Variants in DAB1 observed in about 807,000 individuals in gnomAD.
DAB1 encodes DAB adaptor protein 1.
DAB1 carries 15 observed loss-of-function variants against 64.6 expected under a neutral mutation model. That is an observed-to-expected ratio of 0.23 (90% confidence interval 0.16 to 0.36). The LOEUF is 0.36. Among genes scored for constraint, DAB1 ranks in the 10% least tolerant of loss-of-function variants. The pLI, the probability that DAB1 is intolerant of heterozygous loss-of-function variation, is 1.00. For missense variants in DAB1, 596 were observed against 706.7 expected, an observed-to-expected ratio of 0.84 and a Z score of 1.78; for synonymous variants, 235 against 251.9, an observed-to-expected ratio of 0.93 and a Z score of 0.64.
At chr1:57,395,238 C>T (rs1054836457) in intron 1 of DAB1, among the ~76,000 whole-genome samples, 1 of 152,092 alleles carries the variant, frequency 6.6e-6, no homozygotes, top group South Asian at 2.1e-4. Context: ...GTTGGCCAGG[C>T]TAGTCTCGAA....
Position 57,771,018 on chromosome 1 carries a change from C to T in DAB1, n.551+112981G>A, listed in dbSNP as rs563620526. On this transcript the variant is annotated intron_variant and non_coding_transcript_variant, in intron 6 of 20. Coordinates refer to the DAB1 transcript ENST00000485760. The stretch of plus-strand genomic sequence containing the variant: ...TATTACAACCTCATTGTACAGATGG[C>T]AAACCCTAGAAACTTGGAGAGGCGA... Among the ~76,000 whole-genome samples the T allele has an allele frequency of 3.3e-5, 5 of 152,250 alleles. No homozygotes were observed. The South Asian group carries it at 1.0e-3, about 32-fold the overall frequency.
At chr1:57,281,942 G>A (rs773148524) in intron 2 of DAB1, among the ~76,000 whole-genome samples, 1 of 152,038 alleles carries the variant, frequency 6.6e-6, no homozygotes, top group Non-Finnish European at 1.5e-5. Context: ...AGCACTTTGG[G>A]AGGCTGAGGC....
At chr1:58,250,623 C>T (rs889091130) in intron 4 of DAB1, among the ~76,000 whole-genome samples, 2 of 152,208 alleles carry the variant, frequency 1.3e-5, no homozygotes, top group Admixed American at 6.5e-5. Flanking sequence ...GAAGAGGTGG[C>T]GCGGCCTGAC....
intron 4 of DAB1, among the ~76,000 whole-genome samples, chr1:57,129,681 T>C (rs1456551709): frequency 6.6e-6 from 1 of 152,130 alleles, no homozygotes; most frequent in Non-Finnish European, 1.5e-5. Context: ...TCGCTTCTCT[T>C]TGGGTTTCAG....
intron 3 of DAB1, among the ~76,000 whole-genome samples, chr1:58,384,530 G>C (rs960790912): frequency 2.6e-5 from 4 of 152,128 alleles, no homozygotes; most frequent in African/African-American, 9.7e-5. Context: ...TCTCTAGAGG[G>C]ACAGGACTAA....
intron 9 of DAB1, among the ~76,000 whole-genome samples, chr1:57,043,352 A>G (rs531806731): frequency 6.6e-6 from 1 of 152,282 alleles, no homozygotes; most frequent in Admixed American, 6.5e-5. Flanking sequence ...TCAAGTCACA[A>G]GCTACTTTAG....
chr1:57,916,407 CA>C (rs1160743003), intron 5 of DAB1, among the ~76,000 whole-genome samples: 1 of 152,158 alleles, frequency 6.6e-6, no homozygotes, highest in Admixed American at 6.5e-5. Flanking sequence ...GTTCAAAAAC[CA>C]AGAGCAACAG....
chr1:58,308,291 T>C (rs950928567), intron 4 of DAB1, among the ~76,000 whole-genome samples: 3 of 152,066 alleles, frequency 2.0e-5, no homozygotes, highest in Non-Finnish European at 4.4e-5. Context: ...AGCCTTCTCA[T>C]TAGATATTTA....
At chr1:57,344,753 G>A (rs1677944652) in intron 1 of DAB1, among the ~76,000 whole-genome samples, 1 of 152,100 alleles carries the variant, frequency 6.6e-6, no homozygotes, top group Non-Finnish European at 1.5e-5. Context: ...ACAGACTTTG[G>A]GGCACACAGA....
At chr1:57,083,073 T>C (rs1350547254) in intron 4 of DAB1, among the ~76,000 whole-genome samples, 2 of 152,182 alleles carry the variant, frequency 1.3e-5, no homozygotes, top group Admixed American at 6.5e-5. Context: ...GGTGTTGCTA[T>C]GCATAGAGTT....
intron 4 of DAB1, among the ~76,000 whole-genome samples, chr1:58,184,330 C>T (rs1211017472): frequency 1.3e-5 from 2 of 149,108 alleles, no homozygotes; most frequent in Non-Finnish European, 3.0e-5. Context: ...ATATATAATG[C>T]TCTTTCTTAC....
At chr1:57,492,174 A>T (rs1482445124) in intron 7 of DAB1, among the ~76,000 whole-genome samples, 1 of 152,220 alleles carries the variant, frequency 6.6e-6, no homozygotes, top group Admixed American at 6.5e-5. Flanking sequence ...AGGAAGAATA[A>T]TCTGAATGTG....
At chr1:57,161,575 A>G (rs1660752297) in intron 2 of DAB1, among the ~76,000 whole-genome samples, 1 of 152,238 alleles carries the variant, frequency 6.6e-6, no homozygotes, top group Non-Finnish European at 1.5e-5. Context: ...GTATTAGCTG[A>G]TGAGGAGTGA....
At chr1:57,174,402 G>A (rs1322827917) in intron 2 of DAB1, among the ~76,000 whole-genome samples, 1 of 152,076 alleles carries the variant, frequency 6.6e-6, no homozygotes, top group South Asian at 2.1e-4. Flanking sequence ...ATAGAAAAGA[G>A]AACAAAATGA....
chr1:57,011,056 A>G (rs1346454609), intron 13 of DAB1, 89 bp downstream of exon 13: 2 of 1,527,970 alleles, frequency 1.3e-6, no homozygotes, highest in Non-Finnish European at 1.8e-6. Context: ...ATTCTTTTCT[A>G]TGTAGGCTTC....
intron 2 of DAB1, among the ~76,000 whole-genome samples, chr1:57,276,393 T>G (rs1671467714): frequency 1.3e-5 from 2 of 152,260 alleles, no homozygotes; most frequent in Non-Finnish European, 2.9e-5. Context: ...ACTACTTGAA[T>G]ATAAATTACT....
In DAB1 at chr1:57,357,729, C is replaced by A. The variant is rs184997978; in HGVS notation, c.-137+66201G>T. Among the ~76,000 whole-genome samples the A allele has an allele frequency of 1.5e-3, 234 of 151,918 alleles. 1 individual carries two copies. Among genetic ancestry groups the A allele is most frequent in the African/African-American group, 5.5e-3 (228 of 41,452 alleles). On this transcript the variant is annotated intron_variant, in intron 1 of 14. Coordinates refer to ENST00000371236, the MANE Select transcript of DAB1 (RefSeq NM_001365792.1). The stretch of plus-strand genomic sequence containing the variant: ...CTTACAATCATGGTGAAAGAGGAAG[C>A]AAACACATCCTTCTCACGTGGCGGC...
At chr1:57,820,055 A>C (rs1569777815) in intron 6 of DAB1, among the ~76,000 whole-genome samples, 1 of 152,324 alleles carries the variant, frequency 6.6e-6, no homozygotes. Context: ...GCAGCCGTGC[A>C]AAGTACACAG....
At chr1:57,278,133 T>C (rs1347377335) in intron 2 of DAB1, among the ~76,000 whole-genome samples, 1 of 152,204 alleles carries the variant, frequency 6.6e-6, no homozygotes, top group Non-Finnish European at 1.5e-5. Flanking sequence ...GGAAACAGCA[T>C]GGTGTAGCGG....
Sources: gnomAD v4.1 joint callset for allele counts (sites outside exome capture counted in the v4.1 genomes callset) on GRCh38, gnomAD v4.1.1 for gene constraint, MANE v1.5 for transcripts, NCBI Gene and HGNC (gene_info 2026-07-23, HGNC 2026-07-21) for gene names.